Variants in KDM3B observed in about 807,000 individuals in gnomAD.
KDM3B encodes the protein lysine demethylase 3B.
A neutral mutation model predicts 170.0 loss-of-function variants in KDM3B; 10 were observed. The ratio of observed to expected loss-of-function variants is 0.06; its 90% CI spans 0.04 to 0.10. The LOEUF (loss-of-function observed/expected upper bound fraction) is 0.10. KDM3B is among the 10% of genes least tolerant of loss of function. The pLI, the probability that KDM3B is intolerant of heterozygous loss-of-function variation, is 1.00. For synonymous variants in KDM3B, 831 were observed against 834.8 expected (o/e 1.00, Z 0.08); for missense variants, 1,394 against 2,195.2 (o/e 0.64, Z 7.29).
At chr5:138,397,057 G>A (rs188026712) in intron 9 of KDM3B, among the ~76,000 whole-genome samples, 7 of 152,244 alleles carry the variant, frequency 4.6e-5, no homozygotes, top group East Asian at 3.9e-4. Flanking sequence ...TAGGCCAGGC[G>A]CAGTGGCTCA....
At chr5:138,388,403 C>A (rs950414472) in intron 7 of KDM3B, among the ~76,000 whole-genome samples, 1 of 151,864 alleles carries the variant, frequency 6.6e-6, no homozygotes, top group African/African-American at 2.4e-5. Context: ...GAGGCCGAGG[C>A]GGGCGGATCA....
Position 138,393,387 on chromosome 5 carries a change from G to T in KDM3B, c.2831+15G>T. ...CACTTCCGGAGGTACCCAAACTCCT[G>T]TTTTCCTCCTTTGCTAGTTTTCATT... On this transcript the variant is annotated intron_variant, in intron 9 of 23. Coordinates refer to ENST00000314358, the MANE Select transcript of KDM3B (RefSeq NM_016604.4). 1 of 1,605,612 alleles carries T rather than the reference G, an allele frequency of 6.2e-7. No homozygotes were observed. Among genetic ancestry groups the T allele is most frequent in the African/African-American group, 1.3e-5 (1 of 74,810 alleles).
chr5:138,379,488 A>G (rs1762075339), intron 4 of KDM3B, 96 bp from the exon 5 acceptor site: 5 of 1,278,016 alleles, frequency 3.9e-6, no homozygotes, highest in Non-Finnish European at 5.4e-6. Flanking sequence ...AAAAGTGCCA[A>G]ATATTTACAT....
chr5:138,385,917 T>G, intron 6 of KDM3B, 105 bp from the exon 7 acceptor site: 1 of 1,353,712 alleles, frequency 7.4e-7, no homozygotes, highest in Non-Finnish European at 1.0e-6. Flanking sequence ...AACTTGGCAG[T>G]CTATGCCTGC....
At chr5:138,399,435 G>A (rs1762626103) in intron 10 of KDM3B, among the ~76,000 whole-genome samples, 1 of 151,846 alleles carries the variant, frequency 6.6e-6, no homozygotes, top group Non-Finnish European at 1.5e-5. Context: ...CTACTCGGGA[G>A]GCTGAGGCAG....
intron 19 of KDM3B, 42 bp from the exon 20 acceptor site, chr5:138,427,925 A>G (rs753593329): frequency 6.3e-7 from 1 of 1,593,524 alleles, no homozygotes; most frequent in South Asian, 1.1e-5. Context: ...GATTCTTCCA[A>G]ATATTGGCCC....
intron 3 of KDM3B, among the ~76,000 whole-genome samples, chr5:138,375,969 G>A (rs1246094724): frequency 1.3e-5 from 2 of 150,840 alleles, no homozygotes; most frequent in African/African-American, 4.9e-5. Context: ...GATCAACCAC[G>A]CCTGGCATTT....
At chr5:138,359,462 C>A (rs964225724) in intron 1 of KDM3B, among the ~76,000 whole-genome samples, 61 of 145,742 alleles carry the variant, frequency 4.2e-4, no homozygotes, top group Admixed American at 3.4e-3. Flanking sequence ...GTGCCCCCCC[C>A]ACCTTTTTTT....
In KDM3B at chr5:138,352,897, G is replaced by A; in HGVS notation, c.102G>A (p.Ala34=). The A allele has an allele frequency of 7.3e-7, 1 of 1,376,502 alleles. No homozygotes were observed. The highest frequency in any genetic ancestry group is 3.2e-5 in the East Asian group (1 of 31,278). 85.3% of individuals were successfully genotyped at this position (1,376,502 alleles called of 1,614,324 possible). A position where few individuals can be genotyped will look rare whatever the true frequency, so the allele number is the denominator to read the frequency against. The part of the protein sequence containing the change: ...ASASAPAAAA[A]SGDPGPALRT... Reference sequence around the variant, plus strand: ...CCTCGGCTCCCGCGGCGGCAGCGGCGAGCGGAGATCCGGGGCCTGCGCTGC... The same window carrying A: ...CCTCGGCTCCCGCGGCGGCAGCGGCAAGCGGAGATCCGGGGCCTGCGCTGC... The change falls in exon 1 of 24, where the codon GCG becomes GCA. Residue 34 remains alanine (A), a synonymous_variant. Coordinates refer to ENST00000314358, the MANE Select transcript of KDM3B (RefSeq NM_016604.4).
intron 3 of KDM3B, among the ~76,000 whole-genome samples, chr5:138,375,580 A>G (rs1190057293): frequency 1.3e-5 from 2 of 151,810 alleles, no homozygotes; most frequent in Admixed American, 6.6e-5. Flanking sequence ...GGGTTTCACC[A>G]TGTTAGCCAG....
At chr5:138,398,703 G>C (rs1762605365) in intron 10 of KDM3B, among the ~76,000 whole-genome samples, 2 of 151,886 alleles carry the variant, frequency 1.3e-5, no homozygotes, top group Non-Finnish European at 2.9e-5. Flanking sequence ...TTTTCAGTTT[G>C]CTTTGAACCA....
At chr5:138,430,547 T>C in intron 22 of KDM3B, 122 bp downstream of exon 22, 1 of 881,886 alleles carries the variant, frequency 1.1e-6, no homozygotes, top group Non-Finnish European at 1.7e-6. Flanking sequence ...ATGCTGCAAC[T>C]TATTTTATGC....
At position 138,431,382 on chromosome 5, in the gene KDM3B, C is replaced by T. The variant is rs1380610155; in HGVS notation, c.5071-43C>T. On this transcript the variant is annotated intron_variant, in intron 22 of 23. Coordinates refer to ENST00000314358, the MANE Select transcript of KDM3B (RefSeq NM_016604.4). ...GGACATTTTCCATATGTTATTGAATCTCTAATGTCTGATATTTCTCCTCTG... is the reference window on the plus strand; with the variant it reads ...GGACATTTTCCATATGTTATTGAATTTCTAATGTCTGATATTTCTCCTCTG... The T allele has an allele frequency of 2.7e-6, 4 of 1,495,712 alleles. No homozygotes were observed. In the Admixed American group the frequency reaches 6.3e-5, roughly 24 times the overall value. 92.7% of individuals were successfully genotyped at this position (1,495,712 alleles called of 1,614,324 possible). A position where few individuals can be genotyped will look rare whatever the true frequency, so the allele number is the denominator to read the frequency against.
chr5:138,373,950 G>C (rs1028618056), intron 2 of KDM3B, among the ~76,000 whole-genome samples: 7 of 152,106 alleles, frequency 4.6e-5, no homozygotes, highest in African/African-American at 1.7e-4. Flanking sequence ...GATGGTATAT[G>C]TCATCACTTA....
chr5:138,430,356 C>T lies in KDM3B; in HGVS notation c.5001C>T (p.Gly1667=), dbSNP rs768314346. The T allele has an allele frequency of 2.0e-5, 32 of 1,614,000 alleles. No homozygotes were observed. Among genetic ancestry groups the T allele is most frequent in the South Asian group, 2.0e-4 (18 of 91,086 alleles). ...TLRKRLYEEY[G]VQGWAIVQFL... ...GTAAGCGACTCTATGAGGAGTATGG[C>T]GTGCAAGGCTGGGCTATTGTGCAGT... is the stretch of plus-strand genomic sequence containing the variant. The change falls in exon 22 of 24, where the codon GGC becomes GGT. Residue 1667 remains glycine (G), a synonymous_variant. Transcript: ENST00000314358.
chr5:138,400,635 A>T (rs557146042), intron 11 of KDM3B, among the ~76,000 whole-genome samples: 44 of 152,238 alleles, frequency 2.9e-4, no homozygotes, highest in African/African-American at 1.0e-3. Flanking sequence ...TTGTAGTCAC[A>T]GCTACTCAGG....
intron 2 of KDM3B, among the ~76,000 whole-genome samples, chr5:138,373,541 G>C (rs928279426): frequency 6.6e-6 from 1 of 151,646 alleles, no homozygotes; most frequent in Non-Finnish European, 1.5e-5. Context: ...ATCAGAGCTC[G>C]GTGCAATCAG....
intron 6 of KDM3B, among the ~76,000 whole-genome samples, chr5:138,383,483 G>T (rs11242424): frequency 0.25 from 38,135 of 151,900 alleles, 5,386 homozygotes; most frequent in East Asian, 0.56. Flanking sequence ...TCCTTTTTTG[G>T]TATTAACATG....
At chr5:138,418,222 G>A (rs1303807390) in intron 13 of KDM3B, among the ~76,000 whole-genome samples, 1 of 151,892 alleles carries the variant, frequency 6.6e-6, no homozygotes, top group Admixed American at 6.6e-5. Flanking sequence ...TGGGACTACA[G>A]GCATGCGCCA....
Sources: allele counts gnomAD v4.1 joint callset (sites outside exome capture counted in the v4.1 genomes callset), GRCh38; gene constraint gnomAD v4.1.1; transcripts MANE v1.5; gene names NCBI Gene and HGNC (gene_info 2026-07-23, HGNC 2026-07-21).